Variants in MYLK observed in about 807,000 individuals in gnomAD.
MYLK encodes the protein myosin light chain kinase, smooth muscle.
In MYLK, 106 loss-of-function variants were observed where a neutral mutation model predicts 203.4. That is an observed-to-expected ratio of 0.52 (90% CI 0.45 to 0.61). The LOEUF is 0.61. Among genes scored for constraint, MYLK ranks in the 20% least tolerant of loss-of-function variants. The pLI is 0.00. For missense variants in MYLK, 2,072 were observed against 2,442.3 expected, an observed-to-expected ratio of 0.85 and a Z score of 3.20; for synonymous variants, 867 against 959.5, an observed-to-expected ratio of 0.90 and a Z score of 1.78.
intron 20 of MYLK, among the ~76,000 whole-genome samples, chr3:123,670,706 C>T (rs1038820830): frequency 2.6e-5 from 4 of 152,090 alleles, no homozygotes; most frequent in Non-Finnish European, 2.9e-5. Context: ...TTTGCCACTA[C>T]ACTCCAGCCT....
intron 3 of MYLK, among the ~76,000 whole-genome samples, chr3:123,803,656 C>T (rs2065269431): frequency 6.6e-6 from 1 of 152,238 alleles, no homozygotes. Flanking sequence ...TGAGCTGCTG[C>T]AGGACCCCAG....
At chr3:123,814,783 CCTTTCTTT>C (rs200513485) in intron 3 of MYLK, among the ~76,000 whole-genome samples, 4 of 151,726 alleles carry the variant, frequency 2.6e-5, no homozygotes, top group African/African-American at 4.8e-5. Flanking sequence ...ATAAACTGAT[CCTTTCTTT>C]CTTTCTTTCT....
rs140559450 is a variant in MYLK, at chr3:123,752,313, G to A, written c.373+18C>T. On this transcript the variant is annotated intron_variant, in intron 5 of 33. Coordinates refer to ENST00000360304, the MANE Select transcript of MYLK (RefSeq NM_053025.4). Reference sequence around the variant, plus strand: ...GAGAGCTCAGCTCCCTCCTGGACTCGGGCCTCCTGGGACTCACCTTCTACT... The same window carrying A: ...GAGAGCTCAGCTCCCTCCTGGACTCAGGCCTCCTGGGACTCACCTTCTACT... 8.8e-4 allele frequency: 1,426 copies of A among 1,613,314 alleles called. No individual in the cohort carries two copies. The highest frequency in any genetic ancestry group is 1.2e-3 in the Non-Finnish European group (1,363 of 1,179,828).
chr3:123,628,402 C>T (rs1333995343), intron 30 of MYLK, among the ~76,000 whole-genome samples: 1 of 152,206 alleles, frequency 6.6e-6, no homozygotes, highest in African/African-American at 2.4e-5. Context: ...CTCCTGCCCG[C>T]CCTGGAGCCA....
chr3:123,834,512 AGGTG>A (rs1302674774), intron 2 of MYLK, among the ~76,000 whole-genome samples: 1 of 151,928 alleles, frequency 6.6e-6, no homozygotes, highest in Non-Finnish European at 1.5e-5. Context: ...CCCATCCTGG[AGGTG>A]GGGGTGCAGG....
rs2108825534 is a variant in MYLK, at chr3:123,740,979, G to A, written c.374-978C>T. Among the ~76,000 whole-genome samples, 4 of 152,170 alleles carry A rather than the reference G, an allele frequency of 2.6e-5. No homozygotes were observed. The East Asian group carries it at 7.7e-4, about 29-fold the overall frequency. On this transcript the variant is annotated intron_variant, in intron 5 of 33. Transcript: ENST00000360304. ...ATGAAATAACTCTAAAGTAGTGGGA[G>A]TTTTATTTTGAGGGGTGGGGTGGGA... is the stretch of plus-strand genomic sequence containing the variant.
chr3:123,763,045 A>C (rs914413573), intron 4 of MYLK, among the ~76,000 whole-genome samples: 1 of 152,206 alleles, frequency 6.6e-6, no homozygotes, highest in African/African-American at 2.4e-5. Flanking sequence ...ACAAAATGAC[A>C]TTACACATCG....
rs540049511 is a variant in MYLK, at chr3:123,613,191, G to C, written c.*914C>G. The stretch of plus-strand genomic sequence containing the variant: ...TTTATCAGTTGAAATCTGTTTCATC[G>C]TGGCCAATAGATAATTAAGACTAAC... On this transcript the variant is annotated 3_prime_UTR_variant, in exon 34 of 34. Coordinates refer to ENST00000360304, the MANE Select transcript of MYLK (RefSeq NM_053025.4). 1 of 152,238 alleles carries C rather than the reference G, an allele frequency of 6.6e-6. No homozygotes were observed. Among genetic ancestry groups the C allele is most frequent in the African/African-American group, 2.4e-5 (1 of 41,534 alleles). The allele number at this position is 152,238 out of a possible 1,614,324, so 9.4% of individuals were successfully genotyped here.
At chr3:123,645,571 C>G (rs1264302351) in intron 27 of MYLK, among the ~76,000 whole-genome samples, 1 of 152,190 alleles carries the variant, frequency 6.6e-6, no homozygotes, top group East Asian at 1.9e-4. Context: ...CACAATATCT[C>G]TAAAGATTTC....
At chr3:123,745,193 T>C (rs2062978735) in intron 5 of MYLK, among the ~76,000 whole-genome samples, 2 of 152,146 alleles carry the variant, frequency 1.3e-5, no homozygotes, top group South Asian at 4.2e-4. Context: ...TCTGTTCTGG[T>C]AGGACTGTGA....
chr3:123,869,673 T>C (rs2032606812), intron 2 of MYLK, among the ~76,000 whole-genome samples: 1 of 152,194 alleles, frequency 6.6e-6, no homozygotes, highest in Non-Finnish European at 1.5e-5. Flanking sequence ...CTCACCTCTG[T>C]CAGCCCAGGA....
intron 20 of MYLK, among the ~76,000 whole-genome samples, chr3:123,669,672 T>C (rs567155336): frequency 6.6e-6 from 1 of 152,064 alleles, no homozygotes; most frequent in Non-Finnish European, 1.5e-5. Context: ...TGTGTATATA[T>C]ACATGTATAT....
intron 1 of MYLK, among the ~76,000 whole-genome samples, chr3:123,879,147 T>C (rs991127677): frequency 5.9e-5 from 9 of 152,188 alleles, no homozygotes; most frequent in Admixed American, 1.3e-4. Context: ...CCAAAAGTCT[T>C]CTACGGGCCT....
intron 10 of MYLK, among the ~76,000 whole-genome samples, chr3:123,733,393 C>T (rs955076355): frequency 7.2e-5 from 11 of 152,080 alleles, no homozygotes; most frequent in Admixed American, 1.3e-4. Context: ...GTTTGCTTTT[C>T]GATGTTGGCG....
rs1033918125 is a variant in MYLK at position 123,752,461 on chromosome 3, C to T, written c.243G>A (p.Leu81=). ...QPITSGGRFL[L]DCGIRGTFSL... ...TGAAAGTCCCCCGGATGCCGCAATC[C>T]AGCAGGAAGCGGCCCCCGCTGGTGA... The change falls in exon 5 of 34, where the codon CTG becomes CTA. Residue 81 remains leucine, a synonymous_variant. Coordinates refer to ENST00000360304, the MANE Select transcript of MYLK (RefSeq NM_053025.4). 4.3e-6 allele frequency: 7 copies of T among 1,614,086 alleles called. No homozygotes were observed. The highest frequency in any genetic ancestry group is 1.6e-4 in the Middle Eastern group (1 of 6,080).
rs188163168 is a variant in MYLK at position 123,720,500 on chromosome 3, G to A, written c.1804+1628C>T. Among the ~76,000 whole-genome samples, 4 of 152,306 alleles carry A rather than the reference G, an allele frequency of 2.6e-5. No homozygotes were observed. The East Asian group carries it at 7.7e-4, about 29-fold the overall frequency. On this transcript the variant is annotated intron_variant, in intron 13 of 33. Transcript: ENST00000360304. ...CTTACTTGACTCTGGGGTTGGCCAC[G>A]CTGGCCTCCAAGAAGAGCCCCCAGG...
chr3:123,649,937 T>A (rs1006407016), intron 24 of MYLK, among the ~76,000 whole-genome samples: 1 of 152,188 alleles, frequency 6.6e-6, no homozygotes, highest in Non-Finnish European at 1.5e-5. Flanking sequence ...GCGTGAGTGA[T>A]GTCACACAAA....
chr3:123,699,555 T>C (rs1234113850), intron 18 of MYLK, among the ~76,000 whole-genome samples: 1 of 152,210 alleles, frequency 6.6e-6, no homozygotes, highest in African/African-American at 2.4e-5. Flanking sequence ...TGCACACCGT[T>C]CCCCAAACCT....
chr3:123,855,109 C>G (rs1315049828), intron 2 of MYLK, among the ~76,000 whole-genome samples: 1 of 151,958 alleles, frequency 6.6e-6, no homozygotes, highest in African/African-American at 2.4e-5. Context: ...TATTAGGAGA[C>G]ACTTTTGTTC....
Sources: allele counts gnomAD v4.1 joint callset (sites outside exome capture counted in the v4.1 genomes callset), GRCh38; gene constraint gnomAD v4.1.1; transcripts MANE v1.5; gene names NCBI Gene and HGNC (gene_info 2026-07-23, HGNC 2026-07-21).